EPB41L3: variants seen among roughly 807,000 people sequenced by gnomAD.
The protein encoded by EPB41L3 is erythrocyte membrane protein band 4.1 like 3, also known as band 4.1-like protein 3.
A neutral mutation model predicts 127.1 loss-of-function variants in EPB41L3; 57 were observed. That is an observed-to-expected ratio of 0.45 (90% CI 0.36 to 0.56). EPB41L3 has a LOEUF of 0.56. Among genes scored for constraint, EPB41L3 ranks in the 20% least tolerant of loss-of-function variants. The pLI is 0.00. For synonymous variants in EPB41L3, 572 were observed against 549.5 expected (o/e 1.04, Z -0.57); for missense variants, 1,273 against 1,372.2 (o/e 0.93, Z 1.14).
intron 3 of EPB41L3, among the ~76,000 whole-genome samples, chr18:5,464,812 TAGAA>T (rs2084664077): frequency 6.6e-6 from 1 of 152,208 alleles, no homozygotes; most frequent in Admixed American, 6.5e-5. Context: ...ATAGCAGAAC[TAGAA>T]AGAATGTCCT....
intron 3 of EPB41L3, among the ~76,000 whole-genome samples, chr18:5,460,889 T>C (rs1394142261): frequency 6.6e-6 from 1 of 152,220 alleles, no homozygotes; most frequent in Non-Finnish European, 1.5e-5. Context: ...TTATTTTCTC[T>C]TTGTTATACT....
chr18:5,416,071 T>A lies in EPB41L3; in HGVS notation c.1814A>T (p.Tyr605Phe), dbSNP rs1255791939. 5.6e-6 allele frequency: 9 copies of A among 1,612,998 alleles called. No homozygotes were observed. The highest frequency in any genetic ancestry group is 6.8e-6 in the Non-Finnish European group (8 of 1,179,434). The change falls in exon 13 of 23, where the codon TAC (tyrosine) becomes TTC (phenylalanine). Residue 605 changes from tyrosine to phenylalanine, a missense_variant. Tyr to Phe is a conservative substitution (Grantham distance 22, BLOSUM62 3). Coordinates refer to ENST00000341928, the MANE Select transcript of EPB41L3 (RefSeq NM_012307.5). Reference sequence around the variant, plus strand: ...TTCAGAAAGGTTGGGGAAAGAGAGGTATCCATCATCATCTAGGAGGGAGGG... The same window carrying A: ...TTCAGAAAGGTTGGGGAAAGAGAGGAATCCATCATCATCTAGGAGGGAGGG... ...SFPSLLDDDGYLSFPNLSETN... is the reference protein window; with the variant it reads ...SFPSLLDDDGFLSFPNLSETN...
chr18:5,530,199 T>C, intron 1 of EPB41L3, among the ~76,000 whole-genome samples: 1 of 152,118 alleles, frequency 6.6e-6, no homozygotes, highest in East Asian at 1.9e-4. Context: ...GCTGTATAGA[T>C]TGATATATTG....
intron 1 of EPB41L3, among the ~76,000 whole-genome samples, chr18:5,491,439 G>A (rs906834585): frequency 6.6e-6 from 1 of 152,182 alleles, no homozygotes; most frequent in Non-Finnish European, 1.5e-5. Context: ...TCGGGAAACC[G>A]TTTTGCACCT....
chr18:5,502,352 T>G (rs1453542455), intron 1 of EPB41L3, among the ~76,000 whole-genome samples: 1 of 152,152 alleles, frequency 6.6e-6, no homozygotes, highest in Non-Finnish European at 1.5e-5. Context: ...CTTTTAAAAT[T>G]TTTTATAGGT....
At chr18:5,393,607 G>A (rs967698627) in intron 22 of EPB41L3, 129 bp from the exon 23 acceptor site, 20 of 586,430 alleles carry the variant, frequency 3.4e-5, no homozygotes, top group Admixed American at 2.8e-4. Flanking sequence ...ACATTCCAGC[G>A]TTAAGTCACT....
chr18:5,604,051 A>T (rs1240570214), intron 3 of EPB41L3, among the ~76,000 whole-genome samples: 1 of 152,098 alleles, frequency 6.6e-6, no homozygotes, highest in Non-Finnish European at 1.5e-5. Context: ...ACACATATAC[A>T]TACATGCATA....
intron 14 of EPB41L3, among the ~76,000 whole-genome samples, 191 bp from the exon 15 acceptor site, chr18:5,407,927 A>G (rs1006831550): frequency 1.3e-5 from 2 of 152,242 alleles, no homozygotes; most frequent in African/African-American, 2.4e-5. Flanking sequence ...GAATATAGGA[A>G]TATAGGAGTG....
chr18:5,598,658 A>G lies in EPB41L3; in HGVS notation c.-306+13682T>C, dbSNP rs2094559666. Reference sequence around the variant, plus strand: ...AGAATTCAACATTAGATAATACTCCATGGTTTCATTGTATCACCTGCATTC... The same window carrying G: ...AGAATTCAACATTAGATAATACTCCGTGGTTTCATTGTATCACCTGCATTC... On this transcript the variant is annotated intron_variant, in intron 3 of 21. Transcript: ENST00000545076. Among the ~76,000 whole-genome samples, 3 of 152,216 alleles carry G rather than the reference A, an allele frequency of 2.0e-5. No homozygotes were observed. The South Asian group carries it at 6.2e-4, about 32-fold the overall frequency.
intron 3 of EPB41L3, among the ~76,000 whole-genome samples, chr18:5,586,983 CAT>C (rs1253148702): frequency 2.6e-5 from 4 of 152,118 alleles, no homozygotes; most frequent in Non-Finnish European, 2.9e-5. Flanking sequence ...AAGACCCTAA[CAT>C]ATTAAAAGAT....
intron 22 of EPB41L3, chr18:5,393,828 C>T (rs2072819846): frequency 4.8e-6 from 1 of 209,744 alleles, no homozygotes; most frequent in Non-Finnish European, 9.5e-6. Flanking sequence ...TATGAAATCT[C>T]TTAAACATTT....
At chr18:5,414,379 A>G (rs2076543056) in intron 13 of EPB41L3, among the ~76,000 whole-genome samples, 1 of 152,152 alleles carries the variant, frequency 6.6e-6, no homozygotes, top group Non-Finnish European at 1.5e-5. Flanking sequence ...ATCTATTAAA[A>G]GTGTAGACTT....
chr18:5,541,543 G>A (rs2093730914), intron 1 of EPB41L3, among the ~76,000 whole-genome samples: 1 of 152,096 alleles, frequency 6.6e-6, no homozygotes, highest in Non-Finnish European at 1.5e-5. Flanking sequence ...TCAGTACATG[G>A]ATAGTTGCCT....
chr18:5,610,560 G>A (rs1001976835), intron 3 of EPB41L3, among the ~76,000 whole-genome samples: 3 of 152,140 alleles, frequency 2.0e-5, no homozygotes, highest in Non-Finnish European at 4.4e-5. Context: ...AATAAAACAA[G>A]TCTGGACTAG....
At chr18:5,613,682 C>T (rs945228900) in intron 2 of EPB41L3, among the ~76,000 whole-genome samples, 2 of 152,140 alleles carry the variant, frequency 1.3e-5, no homozygotes, top group African/African-American at 4.8e-5. Flanking sequence ...GAAATTTCTA[C>T]AAGCTACATG....
At chr18:5,445,452 C>T (rs2081337528) in intron 3 of EPB41L3, among the ~76,000 whole-genome samples, 1 of 152,240 alleles carries the variant, frequency 6.6e-6, no homozygotes, top group African/African-American at 2.4e-5. Flanking sequence ...CTACAAAAGC[C>T]CACCCCACAA....
intron 1 of EPB41L3, among the ~76,000 whole-genome samples, chr18:5,511,390 G>GGTTTTT (rs2092505489): frequency 1.8e-5 from 1 of 56,368 alleles, no homozygotes; most frequent in African/African-American, 6.5e-5. Flanking sequence ...GAGGTATTTT[G>GGTTTTT]GTTTTTTTTT....
At chr18:5,434,589 A>T (rs577800054) in intron 6 of EPB41L3, among the ~76,000 whole-genome samples, 2 of 152,346 alleles carry the variant, frequency 1.3e-5, no homozygotes, top group East Asian at 3.9e-4. Context: ...CCATGAGATT[A>T]TAATGGAGCT....
At chr18:5,430,728 A>ATT (rs34910794) in intron 8 of EPB41L3, among the ~76,000 whole-genome samples, 4 of 135,162 alleles carry the variant, frequency 3.0e-5, no homozygotes, top group African/African-American at 1.1e-4. Flanking sequence ...CACACTCGAC[A>ATT]TTTTTTTTTT....
Sources: allele counts gnomAD v4.1 joint callset (sites outside exome capture counted in the v4.1 genomes callset), GRCh38; gene constraint gnomAD v4.1.1; transcripts MANE v1.5; gene names NCBI Gene and HGNC (gene_info 2026-07-23, HGNC 2026-07-21).